The following GRM1 variants were observed in gnomAD, a reference collection of about 807,000 sequenced individuals.
The protein encoded by GRM1 is metabotropic glutamate receptor 1.
A neutral mutation model predicts 90.9 loss-of-function variants in GRM1; 33 were observed. The ratio of observed to expected loss-of-function variants is 0.36; its 90% CI spans 0.28 to 0.49. The LOEUF (loss-of-function observed/expected upper bound fraction) is 0.49, where lower values mean the gene tolerates loss of function less well. Ranked by LOEUF, GRM1 falls within the 20% of genes least tolerant of loss-of-function variation. GRM1 has a pLI of 0.99. For synonymous variants in GRM1, 700 were observed against 613.2 expected (o/e 1.14, Z -2.09); for missense variants, 1,190 against 1,534.3 (o/e 0.78, Z 3.75).
At position 146,399,763 on chromosome 6, in the gene GRM1, CT is replaced by C; in HGVS notation, c.2660+65del. Reference sequence around the variant, plus strand: ...TTTCTCTGTCTCTTTCTCTCTCTCTCTCTCTCTCTCTTTCTCTGTCTCTCAT... The same window carrying C: ...TTTCTCTGTCTCTTTCTCTCTCTCTCCTCTCTCTCTTTCTCTGTCTCTCAT... On this transcript the variant is annotated intron_variant, in intron 7 of 7. Coordinates refer to ENST00000282753, the MANE Select transcript of GRM1 (RefSeq NM_001278064.2). The surrounding 1 kb of genome is among the most constrained non-coding windows in gnomAD (Gnocchi z 5.4). The C allele has an allele frequency of 1.8e-6, 2 of 1,093,824 alleles. No individual in the cohort carries two copies. The highest frequency in any genetic ancestry group is 1.6e-5 in the African/African-American group (1 of 64,222). 67.8% of individuals were successfully genotyped at this position (1,093,824 alleles called of 1,614,324 possible).
intron 2 of GRM1, among the ~76,000 whole-genome samples, chr6:146,172,212 A>T (rs542871056): frequency 6.6e-6 from 1 of 152,242 alleles, no homozygotes; most frequent in Non-Finnish European, 1.5e-5. Context: ...CTCTGCCTAC[A>T]TTCCTTGGAT....
chr6:146,179,963 G>C (rs1319944249), intron 2 of GRM1, among the ~76,000 whole-genome samples: 6 of 152,072 alleles, frequency 3.9e-5, no homozygotes, highest in Non-Finnish European at 8.8e-5. Flanking sequence ...GCAACACAGG[G>C]ATACTTTGTC....
intron 6 of GRM1, among the ~76,000 whole-genome samples, chr6:146,395,861 A>C (rs1776907097): frequency 6.6e-6 from 1 of 152,144 alleles, no homozygotes; most frequent in Non-Finnish European, 1.5e-5. Context: ...TAGCATTCAG[A>C]AGGTTACCAA....
chr6:146,048,024 T>G (rs1381639831), intron 1 of GRM1, among the ~76,000 whole-genome samples: 1 of 152,024 alleles, frequency 6.6e-6, no homozygotes, highest in Non-Finnish European at 1.5e-5. Flanking sequence ...GAACACATTC[T>G]GGATCCTTAG....
chr6:146,342,168 G>A (rs779178718), intron 3 of GRM1, among the ~76,000 whole-genome samples: 11 of 152,290 alleles, frequency 7.2e-5, no homozygotes, highest in Non-Finnish European at 1.3e-4. Flanking sequence ...TTAGTGGTGA[G>A]CTTCTTTCCA....
In GRM1 at chr6:146,159,358, G is replaced by A; in HGVS notation, c.711G>A (p.Gly237=). 6.2e-7 allele frequency: 1 copy of A among 1,613,980 alleles called. No homozygotes were observed. The highest frequency in any genetic ancestry group is 8.5e-7 in the Non-Finnish European group (1 of 1,179,814). The part of the protein sequence containing the change: ...VSAVHTEGNY[G]ESGMDAFKEL... ...ATTGTTTCTGGACAGGGAATTATGG[G>A]GAGAGCGGAATGGACGCTTTCAAAG... The change falls in exon 2 of 8, where the codon GGG becomes GGA. Residue 237 remains glycine, a synonymous_variant. Transcript: ENST00000282753.
chr6:146,425,830 T>C (rs1249651732), intron 7 of GRM1, among the ~76,000 whole-genome samples: 1 of 152,232 alleles, frequency 6.6e-6, no homozygotes, highest in Non-Finnish European at 1.5e-5. Context: ...CACTTATCCT[T>C]ATTCCAACAA....
chr6:146,119,242 T>C lies in GRM1; in HGVS notation c.701-40106T>C, dbSNP rs538401395. 4.6e-5 allele frequency among the ~76,000 whole-genome samples: 7 copies of C among 152,374 alleles called. No individual in the cohort carries two copies. In the East Asian group the frequency reaches 1.3e-3, roughly 29 times the overall value. ...CTATTGGCTGCATAAATGTCTTCTT[T>C]TGAGAAGTGTCTGTTCATATCCTTT... is the stretch of plus-strand genomic sequence containing the variant. On this transcript the variant is annotated intron_variant, in intron 1 of 7. Coordinates refer to ENST00000282753, the MANE Select transcript of GRM1 (RefSeq NM_001278064.2).
chr6:146,393,400 T>C (rs1776803733), intron 6 of GRM1, among the ~76,000 whole-genome samples: 1 of 152,200 alleles, frequency 6.6e-6, no homozygotes, highest in Non-Finnish European at 1.5e-5. Flanking sequence ...TCTTGTAAAT[T>C]AAAGTTCCTT....
intron 2 of GRM1, among the ~76,000 whole-genome samples, chr6:146,196,877 C>G (rs117155026): frequency 1.3e-5 from 2 of 151,994 alleles, no homozygotes; most frequent in African/African-American, 4.8e-5. Flanking sequence ...TGTTAAGAAT[C>G]GATACAAAGC....
At chr6:146,249,350 GGATGGGCCCAT>G (rs1781190187) in intron 2 of GRM1, among the ~76,000 whole-genome samples, 1 of 152,104 alleles carries the variant, frequency 6.6e-6, no homozygotes, top group South Asian at 2.1e-4. Flanking sequence ...TGGCTTCATG[GGATGGGCCCAT>G]GACCCTGCTA....
intron 1 of GRM1, among the ~76,000 whole-genome samples, chr6:146,059,648 C>T (rs966144472): frequency 6.6e-6 from 1 of 152,100 alleles, no homozygotes; most frequent in African/African-American, 2.4e-5. Flanking sequence ...AAGCCCAAAG[C>T]TTTATGTAGT....
At chr6:146,097,597 G>C (rs997969952) in intron 1 of GRM1, among the ~76,000 whole-genome samples, 1 of 152,162 alleles carries the variant, frequency 6.6e-6, no homozygotes, top group African/African-American at 2.4e-5. Context: ...TGTTCTCAAA[G>C]TTGGGTTCCA....
intron 2 of GRM1, among the ~76,000 whole-genome samples, chr6:146,270,849 T>TCTTC (rs1782094818): frequency 1.1e-5 from 1 of 91,692 alleles, no homozygotes; most frequent in East Asian, 3.7e-4. Context: ...CTTTCTTTCT[T>TCTTC]TTTCTTTCTT....
chr6:146,184,704 C>T (rs573040575), intron 2 of GRM1, among the ~76,000 whole-genome samples: 1 of 152,176 alleles, frequency 6.6e-6, no homozygotes, highest in Non-Finnish European at 1.5e-5. Context: ...AATCGATAAA[C>T]ATTTATTTAT....
At position 146,352,246 on chromosome 6, in the gene GRM1, A is replaced by T; in HGVS notation, c.1187-4A>T. 1 of 1,613,146 alleles carries T rather than the reference A, an allele frequency of 6.2e-7. No homozygotes were observed. Among genetic ancestry groups the T allele is most frequent in the Middle Eastern group, 1.6e-4 (1 of 6,062 alleles). ...TTGGTAGTGATCTATTTTTATTGTT[A>T]CAGGCAATGAAAGCTTAGAAGAAAA... On this transcript the variant is annotated splice_region_variant and splice_polypyrimidine_tract_variant and intron_variant, in intron 3 of 7. Coordinates refer to ENST00000282753, the MANE Select transcript of GRM1 (RefSeq NM_001278064.2).
intron 2 of GRM1, among the ~76,000 whole-genome samples, chr6:146,280,580 A>T (rs539221768): frequency 6.6e-6 from 1 of 152,070 alleles, no homozygotes; most frequent in African/African-American, 2.4e-5. Flanking sequence ...TACATAATGG[A>T]TTGTATCCCC....
intron 7 of GRM1, among the ~76,000 whole-genome samples, chr6:146,413,518 A>G (rs750597862): frequency 6.6e-6 from 1 of 152,126 alleles, no homozygotes; most frequent in Non-Finnish European, 1.5e-5. Context: ...ATATTAAATC[A>G]TCTTTTACAC....
chr6:146,412,651 A>G (rs1214445872), intron 7 of GRM1, among the ~76,000 whole-genome samples: 1 of 152,228 alleles, frequency 6.6e-6, no homozygotes, highest in African/African-American at 2.4e-5. Flanking sequence ...AGAAATTCAT[A>G]GATGGCTCAT....
Sources: allele counts gnomAD v4.1 joint callset (sites outside exome capture counted in the v4.1 genomes callset), GRCh38; gene constraint gnomAD v4.1.1; non-coding constraint Gnocchi (gnomAD v3.1); transcripts MANE v1.5; gene names NCBI Gene and HGNC (gene_info 2026-07-23, HGNC 2026-07-21).